The following AGBL4 variants were observed in gnomAD, a reference collection of about 807,000 sequenced individuals.
AGBL4 encodes cytosolic carboxypeptidase 6.
In AGBL4, 58 loss-of-function variants were observed where a neutral mutation model predicts 66.4. The ratio of observed to expected loss-of-function variants is 0.87; its 90% CI spans 0.71 to 1.09. The LOEUF (loss-of-function observed/expected upper bound fraction) is 1.09, where lower values mean the gene tolerates loss of function less well. AGBL4 is among the 50% of genes least tolerant of loss of function. The pLI is 0.00. For synonymous variants in AGBL4, 234 were observed against 222.9 expected (o/e 1.05, Z -0.44); for missense variants, 579 against 631.0 (o/e 0.92, Z 0.88).
chr1:48,747,918 TTTTC>T (rs770356859), intron 6 of AGBL4, among the ~76,000 whole-genome samples: 54 of 152,366 alleles, frequency 3.5e-4, no homozygotes, highest in East Asian at 2.3e-3. Flanking sequence ...TTCGATTCTT[TTTTC>T]TTTCTTTCTT....
intron 4 of AGBL4, among the ~76,000 whole-genome samples, chr1:49,218,700 C>T (rs1179021667): frequency 6.6e-6 from 1 of 152,108 alleles, no homozygotes; most frequent in Non-Finnish European, 1.5e-5. Flanking sequence ...CTCTGCATTG[C>T]AGTAGCCCCT....
intron 4 of AGBL4, among the ~76,000 whole-genome samples, chr1:49,118,421 C>G (rs1483350798): frequency 6.6e-6 from 1 of 152,110 alleles, no homozygotes; most frequent in Non-Finnish European, 1.5e-5. Context: ...GAGTTTTTAG[C>G]ATGAAGTGCT....
At chr1:49,248,277 C>A (rs1015509854) in intron 3 of AGBL4, among the ~76,000 whole-genome samples, 2 of 152,136 alleles carry the variant, frequency 1.3e-5, no homozygotes, top group Admixed American at 6.5e-5. Flanking sequence ...CACATTAGAA[C>A]AATGTTTTAT....
At chr1:49,346,344 G>A (rs558973796) in intron 3 of AGBL4, among the ~76,000 whole-genome samples, 11 of 152,244 alleles carry the variant, frequency 7.2e-5, no homozygotes, top group South Asian at 4.1e-4. Flanking sequence ...AAACAAGAGG[G>A]ATAAGTAGCA....
At chr1:48,763,115 CAACAA>C (rs1644360093) in intron 6 of AGBL4, among the ~76,000 whole-genome samples, 1 of 151,916 alleles carries the variant, frequency 6.6e-6, no homozygotes, top group Non-Finnish European at 1.5e-5. Context: ...ACAACAACAA[CAACAA>C]CAACAACAAC....
intron 1 of AGBL4, among the ~76,000 whole-genome samples, chr1:49,997,715 T>C (rs1441185481): frequency 6.6e-6 from 1 of 152,178 alleles, no homozygotes; most frequent in Non-Finnish European, 1.5e-5. Context: ...ACTTAACAGA[T>C]ATTTACAGAA....
chr1:48,817,252 T>A (rs573784799), intron 6 of AGBL4, among the ~76,000 whole-genome samples: 1 of 152,302 alleles, frequency 6.6e-6, no homozygotes, highest in East Asian at 1.9e-4. Context: ...TCTGTTAAGT[T>A]TAGGCCTCAG....
At chr1:49,279,247 A>G (rs1570316067) in intron 3 of AGBL4, among the ~76,000 whole-genome samples, 1 of 152,190 alleles carries the variant, frequency 6.6e-6, no homozygotes. Flanking sequence ...TGAAAAGACA[A>G]TGCCAACAGA....
chr1:49,594,365 C>T (rs902085146), intron 3 of AGBL4, among the ~76,000 whole-genome samples: 2 of 152,118 alleles, frequency 1.3e-5, no homozygotes. Flanking sequence ...TTCTTTTAAA[C>T]TTTAAGTTCA....
intron 6 of AGBL4, among the ~76,000 whole-genome samples, chr1:48,764,492 G>T (rs1311855941): frequency 6.6e-6 from 1 of 152,120 alleles, no homozygotes; most frequent in Non-Finnish European, 1.5e-5. Context: ...GGGAAGGGGG[G>T]GAAATATTTG....
intron 3 of AGBL4, among the ~76,000 whole-genome samples, chr1:49,550,425 G>C (rs763844222): frequency 3.9e-5 from 6 of 152,130 alleles, no homozygotes; most frequent in Non-Finnish European, 8.8e-5. Context: ...AAGAGGTTCT[G>C]TTTTGATGTG....
intron 6 of AGBL4, among the ~76,000 whole-genome samples, chr1:48,692,022 C>T (rs1312811629): frequency 6.6e-6 from 1 of 152,218 alleles, no homozygotes; most frequent in Non-Finnish European, 1.5e-5. Flanking sequence ...ATATCAGAAT[C>T]CACACCATTT....
chr1:49,688,853 G>A (rs959174133), intron 3 of AGBL4, among the ~76,000 whole-genome samples: 3 of 152,096 alleles, frequency 2.0e-5, no homozygotes, highest in Admixed American at 6.6e-5. Flanking sequence ...TCATATGCCT[G>A]TTTACCATTT....
chr1:49,938,514 A>C (rs538886258), intron 1 of AGBL4, among the ~76,000 whole-genome samples: 1 of 152,236 alleles, frequency 6.6e-6, no homozygotes, highest in Non-Finnish European at 1.5e-5. Flanking sequence ...GCACATCCTG[A>C]TACCAAAGCC....
intron 3 of AGBL4, among the ~76,000 whole-genome samples, chr1:49,508,834 G>C (rs1648933047): frequency 6.6e-6 from 1 of 151,894 alleles, no homozygotes; most frequent in African/African-American, 2.4e-5. Flanking sequence ...TCTCCTGACT[G>C]TGGGGATTAT....
At chr1:49,562,152 GTTGT>G (rs1222230698) in intron 3 of AGBL4, among the ~76,000 whole-genome samples, 46 of 152,054 alleles carry the variant, frequency 3.0e-4, no homozygotes, top group Non-Finnish European at 3.8e-4. Flanking sequence ...TTTTAATGTG[GTTGT>G]TTGTTTTTTT....
chr1:48,653,680 G>C (rs112299796), intron 7 of AGBL4, among the ~76,000 whole-genome samples: 2 of 152,182 alleles, frequency 1.3e-5, no homozygotes, highest in African/African-American at 2.4e-5. Context: ...AAGCCCATGG[G>C]CAGGAGGGAG....
rs184670285 is a variant in AGBL4, at chr1:49,336,213, C to A, written c.283-90349G>T. 3.4e-3 allele frequency among the ~76,000 whole-genome samples: 515 copies of A among 151,820 alleles called. 5 individuals are homozygous for A. The highest frequency in any genetic ancestry group is 0.012 in the African/African-American group (499 of 41,364). ...GATCTCAGGCAAGAGAAGACCAAAG[C>A]CCCCCCTGAGAATCAGGAAAGCCTA... On this transcript the variant is annotated intron_variant, in intron 3 of 13. Transcript: ENST00000371839.
intron 6 of AGBL4, among the ~76,000 whole-genome samples, chr1:48,745,775 T>C (rs941615412): frequency 2.6e-5 from 4 of 152,138 alleles, no homozygotes; most frequent in African/African-American, 7.2e-5. Context: ...AAATACTGGG[T>C]TTAAGTACTG....
Sources: allele counts gnomAD v4.1 joint callset (sites outside exome capture counted in the v4.1 genomes callset), GRCh38; gene constraint gnomAD v4.1.1; transcripts MANE v1.5; gene names NCBI Gene and HGNC (gene_info 2026-07-23, HGNC 2026-07-21).